The following CCDC148 variants were observed in gnomAD, a reference collection of about 807,000 sequenced individuals.
The protein encoded by CCDC148 is coiled-coil domain-containing protein 148.
In CCDC148, 89 loss-of-function variants were observed where a neutral mutation model predicts 85.7. The ratio of observed to expected loss-of-function variants is 1.04; its 90% CI spans 0.87 to 1.24. The LOEUF (loss-of-function observed/expected upper bound fraction) is 1.24. Among genes scored for constraint, CCDC148 ranks in the 50% most tolerant of loss-of-function variants. The pLI, the probability that CCDC148 is intolerant of heterozygous loss-of-function variation, is 0.00. For synonymous variants in CCDC148, 230 were observed against 213.9 expected (o/e 1.08, Z -0.66); for missense variants, 692 against 671.7 (o/e 1.03, Z -0.33).
chr2:158,396,652 C>T (rs1259220804), intron 1 of CCDC148, among the ~76,000 whole-genome samples: 2 of 152,122 alleles, frequency 1.3e-5, no homozygotes, highest in Non-Finnish European at 1.5e-5. Context: ...GCATCTTCAA[C>T]TCTACAAGAG....
chr2:158,338,511 G>C (rs1574647968), intron 7 of CCDC148: 1 of 438,656 alleles, frequency 2.3e-6, no homozygotes, highest in African/African-American at 2.1e-5. Context: ...TTTTCAACAT[G>C]TCTTAACCTT....
chr2:158,316,282 A>C (rs1427523214), intron 7 of CCDC148, among the ~76,000 whole-genome samples: 1 of 152,242 alleles, frequency 6.6e-6, no homozygotes, highest in African/African-American at 2.4e-5. Flanking sequence ...AGCAGTGTAC[A>C]TTGCTATAAA....
chr2:158,345,507 T>C (rs1682952464), intron 2 of CCDC148, among the ~76,000 whole-genome samples, 189 bp from the exon 3 acceptor site: 1 of 152,056 alleles, frequency 6.6e-6, no homozygotes, highest in Admixed American at 6.6e-5. Context: ...GAAAGAAAAA[T>C]GGTTGGGAAT....
intron 11 of CCDC148, among the ~76,000 whole-genome samples, chr2:158,201,538 T>C (rs2105282812): frequency 6.6e-6 from 1 of 152,164 alleles, no homozygotes; most frequent in Admixed American, 6.6e-5. Context: ...GCCTCCTGAG[T>C]AGCTGGAACT....
At position 158,415,489 on chromosome 2, in the gene CCDC148, G is replaced by A. The variant is rs565461681; in HGVS notation, c.25+40926C>T. Among the ~76,000 whole-genome samples, 5 of 152,246 alleles carry A rather than the reference G, an allele frequency of 3.3e-5. No individual in the cohort carries two copies. In the South Asian group the frequency reaches 1.0e-3, roughly 32 times the overall value. The stretch of plus-strand genomic sequence containing the variant: ...TCCCCTGGCCCCTCCCAAATCTCAT[G>A]TCCTTCTCAAATTGCAAAATACAAT... On this transcript the variant is annotated intron_variant, in intron 1 of 13. Transcript: ENST00000283233.
In CCDC148 at chr2:158,222,643, A is replaced by C. The variant is rs183075570; in HGVS notation, c.1252-1930T>G. On this transcript the variant is annotated intron_variant, in intron 10 of 13. Transcript: ENST00000283233. ...CTCATATTCTGATACCCCATGTGCC[A>C]TTTTGCTGGGGAATAGCTGGGGCAT... 8.5e-5 allele frequency among the ~76,000 whole-genome samples: 13 copies of C among 152,124 alleles called. No individual in the cohort carries two copies. In the East Asian group the frequency reaches 2.5e-3, roughly 29 times the overall value.
intron 2 of CCDC148, among the ~76,000 whole-genome samples, chr2:158,354,937 T>C (rs1282919932): frequency 6.6e-6 from 1 of 151,940 alleles, no homozygotes. Flanking sequence ...CGCAAATCAA[T>C]AAATGTAATC....
chr2:158,350,789 C>G (rs996938409), intron 2 of CCDC148, among the ~76,000 whole-genome samples: 4 of 151,908 alleles, frequency 2.6e-5, no homozygotes, highest in African/African-American at 9.7e-5. Flanking sequence ...TATTTATGGG[C>G]ACAATTTGAT....
chr2:158,226,437 C>A (rs188311499), intron 10 of CCDC148, among the ~76,000 whole-genome samples: 3,378 of 152,274 alleles, frequency 0.022, 48 homozygotes, highest in East Asian at 0.068. Flanking sequence ...AAGAGGGAAT[C>A]CTCCCTAACT....
chr2:158,172,941 A>G (rs1048268023), intron 13 of CCDC148, among the ~76,000 whole-genome samples: 1 of 152,052 alleles, frequency 6.6e-6, no homozygotes, highest in Admixed American at 6.6e-5. Flanking sequence ...TTACCTAATG[A>G]GGCATTTTAC....
chr2:158,444,545 C>T (rs1424332661), intron 1 of CCDC148, among the ~76,000 whole-genome samples: 1 of 151,678 alleles, frequency 6.6e-6, no homozygotes, highest in Admixed American at 6.6e-5. Flanking sequence ...CTTTGGGAGG[C>T]TGAGGTAGGA....
At chr2:158,229,241 G>C (rs1687728860) in intron 10 of CCDC148, among the ~76,000 whole-genome samples, 1 of 152,080 alleles carries the variant, frequency 6.6e-6, no homozygotes, top group South Asian at 2.1e-4. Context: ...ACCAGAACCT[G>C]CCCTACCCAC....
chr2:158,442,497 G>C (rs1236656419), intron 1 of CCDC148, among the ~76,000 whole-genome samples: 5 of 152,140 alleles, frequency 3.3e-5, no homozygotes, highest in African/African-American at 9.7e-5. Flanking sequence ...AGTTGCCATA[G>C]GTAGCCATTC....
intron 9 of CCDC148, among the ~76,000 whole-genome samples, chr2:158,251,383 C>A (rs1559018731): frequency 6.6e-6 from 1 of 151,792 alleles, no homozygotes; most frequent in Non-Finnish European, 1.5e-5. Context: ...AATTGTAAGA[C>A]ACTTAAAACA....
At chr2:158,207,099 T>G (rs1686288698) in intron 11 of CCDC148, among the ~76,000 whole-genome samples, 1 of 152,250 alleles carries the variant, frequency 6.6e-6, no homozygotes. Flanking sequence ...TTTCTTTCAC[T>G]ATACACTGTT....
chr2:158,250,651 G>C (rs1459129426), intron 10 of CCDC148, 121 bp downstream of exon 10: 8 of 1,341,186 alleles, frequency 6.0e-6, no homozygotes, highest in Admixed American at 6.7e-5. Flanking sequence ...CATTCCACTA[G>C]ATCTTTATGA....
chr2:158,226,076 A>G (rs1687501212), intron 10 of CCDC148, among the ~76,000 whole-genome samples: 1 of 152,232 alleles, frequency 6.6e-6, no homozygotes, highest in South Asian at 2.1e-4. Flanking sequence ...ATAAAGCAGA[A>G]AAGAGAGAAG....
At chr2:158,208,888 C>T (rs1053332689) in intron 11 of CCDC148, among the ~76,000 whole-genome samples, 1 of 152,042 alleles carries the variant, frequency 6.6e-6, no homozygotes, top group Non-Finnish European at 1.5e-5. Context: ...GGACTAGATG[C>T]ATTGTATGAT....
intron 9 of CCDC148, among the ~76,000 whole-genome samples, chr2:158,284,665 C>A (rs372319027): frequency 6.6e-6 from 1 of 152,090 alleles, no homozygotes; most frequent in Non-Finnish European, 1.5e-5. Flanking sequence ...TTCAGGAATA[C>A]GGCAGAAGGA....
Sources: gnomAD v4.1 joint callset for allele counts (sites outside exome capture counted in the v4.1 genomes callset) on GRCh38, gnomAD v4.1.1 for gene constraint, MANE v1.5 for transcripts, NCBI Gene and HGNC (gene_info 2026-07-23, HGNC 2026-07-21) for gene names.